The following DNAH7 variants were observed in gnomAD, a reference collection of about 807,000 sequenced individuals.
The protein encoded by DNAH7 is dynein axonemal heavy chain 7.
DNAH7 carries 397 observed loss-of-function variants against 444.6 expected under a neutral mutation model. The ratio of observed to expected loss-of-function variants is 0.89; its 90% confidence interval spans 0.82 to 0.97. The LOEUF is 0.97. Ranked by LOEUF, DNAH7 falls within the 50% of genes least tolerant of loss-of-function variation. DNAH7 has a pLI of 0.00. For synonymous variants in DNAH7, 1,636 were observed against 1,624.4 expected, an observed-to-expected ratio of 1.01 and a Z score of -0.17; for missense variants, 4,902 against 4,800.8, an observed-to-expected ratio of 1.02 and a Z score of -0.62.
chr2:195,852,921 G>C (rs201277880), intron 46 of DNAH7, among the ~76,000 whole-genome samples: 12,625 of 130,224 alleles, frequency 0.097, 575 homozygotes, highest in East Asian at 0.26. Flanking sequence ...CACACAGAGA[G>C]AGAGAGAGAG....
chr2:195,830,343 A>T (rs1698003464), intron 48 of DNAH7, among the ~76,000 whole-genome samples: 1 of 152,198 alleles, frequency 6.6e-6, no homozygotes, highest in African/African-American at 2.4e-5. Flanking sequence ...TGAGAATTAA[A>T]TGTTCTTTTC....
At chr2:195,893,888 G>T (rs1257474137) in intron 30 of DNAH7, 4 of 151,780 alleles carry the variant, frequency 2.6e-5, no homozygotes, top group African/African-American at 9.7e-5. Flanking sequence ...TTCTTTTGGA[G>T]ACTTTATTTT....
At chr2:195,812,070 A>T (rs1696996396) in intron 51 of DNAH7, among the ~76,000 whole-genome samples, 1 of 152,098 alleles carries the variant, frequency 6.6e-6, no homozygotes. Context: ...TGACTATTGG[A>T]TGGCCTCACC....
At chr2:195,750,029 TAAGCCTGGAC>T (rs1245648925) in intron 63 of DNAH7, among the ~76,000 whole-genome samples, 1 of 151,956 alleles carries the variant, frequency 6.6e-6, no homozygotes, top group Non-Finnish European at 1.5e-5. Context: ...ATAAATAAAT[TAAGCCTGGAC>T]CAACACTGTG....
intron 34 of DNAH7, among the ~76,000 whole-genome samples, chr2:195,885,571 T>A (rs375150657): frequency 5.9e-5 from 9 of 152,214 alleles, no homozygotes; most frequent in African/African-American, 1.9e-4. Context: ...AAGTACCATA[T>A]TGACCACAGT....
At chr2:195,762,941 G>A (rs531674239) in intron 61 of DNAH7, among the ~76,000 whole-genome samples, 4 of 152,060 alleles carry the variant, frequency 2.6e-5, no homozygotes, top group African/African-American at 9.6e-5. Flanking sequence ...AACTCAGCAC[G>A]TGGATCGTTC....
intron 22 of DNAH7, 141 bp downstream of exon 22, chr2:195,926,284 TA>T: frequency 5.4e-6 from 4 of 742,564 alleles, no homozygotes; most frequent in Non-Finnish European, 7.5e-6. Context: ...AATTTTTATT[TA>T]AAAAATCTGT....
At chr2:195,749,564 A>T (rs1310060973) in intron 63 of DNAH7, among the ~76,000 whole-genome samples, 3 of 152,008 alleles carry the variant, frequency 2.0e-5, no homozygotes, top group Non-Finnish European at 2.9e-5. Flanking sequence ...TCACAATAGC[A>T]AAGACTTGGA....
intron 10 of DNAH7, among the ~76,000 whole-genome samples, chr2:196,003,284 A>C (rs2125694144): frequency 6.6e-6 from 1 of 152,216 alleles, no homozygotes; most frequent in Non-Finnish European, 1.5e-5. Context: ...CAGTGTCTAA[A>C]ATAGACAACA....
chr2:195,967,154 G>A (rs1028576627), intron 17 of DNAH7, among the ~76,000 whole-genome samples: 3 of 151,964 alleles, frequency 2.0e-5, no homozygotes, highest in Admixed American at 2.0e-4. Flanking sequence ...TTACCATGAA[G>A]CTTGAAAATA....
intron 58 of DNAH7, among the ~76,000 whole-genome samples, chr2:195,785,366 A>T (rs1243663715): frequency 6.6e-6 from 1 of 151,572 alleles, no homozygotes; most frequent in Non-Finnish European, 1.5e-5. Context: ...AATTTAATTT[A>T]TTTTTTTAAG....
chr2:195,888,140 A>G, intron 33 of DNAH7, 118 bp downstream of exon 33: 1 of 840,366 alleles, frequency 1.2e-6, no homozygotes. Context: ...AATTTAATCA[A>G]AAAGGTTTTG....
intron 24 of DNAH7, among the ~76,000 whole-genome samples, chr2:195,917,250 C>G (rs536672446): frequency 6.6e-6 from 1 of 151,496 alleles, no homozygotes; most frequent in African/African-American, 2.4e-5. Context: ...AGTGGGCTCA[C>G]AAATGCACAC....
intron 17 of DNAH7, among the ~76,000 whole-genome samples, chr2:195,964,876 CAAA>C (rs556506471): frequency 1.6e-5 from 2 of 126,954 alleles, no homozygotes. Context: ...GACTCCGTCT[CAAA>C]AAAAAAAAAA....
At chr2:195,921,966 T>C (rs1688054189) in intron 24 of DNAH7, 122 bp downstream of exon 24, 2 of 609,790 alleles carry the variant, frequency 3.3e-6, no homozygotes, top group African/African-American at 1.9e-5. Context: ...ATCAAGGGTC[T>C]AGGAAAAAAT....
At chr2:195,907,102 A>C in intron 25 of DNAH7, 93 bp from the exon 26 acceptor site, 1 of 947,038 alleles carries the variant, frequency 1.1e-6, no homozygotes, top group Non-Finnish European at 1.6e-6. Flanking sequence ...CAAGGATTTA[A>C]TATCCTGTCA....
Position 195,798,537 on chromosome 2 carries a change from AT to A in DNAH7, c.10353+758del, listed in dbSNP as rs754058331. On this transcript the variant is annotated intron_variant, in intron 55 of 64. Coordinates refer to ENST00000312428, the MANE Select transcript of DNAH7 (RefSeq NM_018897.3). ...AAAGACAAGGCATGTAAATAGTAGA[AT>A]TTTTTTTTTTTTTTTTTTTTCTTGA... 5.2e-3 allele frequency among the ~76,000 whole-genome samples: 563 copies of A among 107,464 alleles called. 1 individual carries two copies. The highest frequency in any genetic ancestry group is 0.012 in the African/African-American group (342 of 28,326). The allele number at this position is 107,464 out of a possible 152,430, so 70.5% of individuals were successfully genotyped here.
chr2:195,885,725 C>T (rs1701667424), intron 34 of DNAH7, among the ~76,000 whole-genome samples: 1 of 152,060 alleles, frequency 6.6e-6, no homozygotes, highest in Non-Finnish European at 1.5e-5. Flanking sequence ...TATTTATACA[C>T]ACACACACAT....
chr2:195,739,873 C>A (rs1692889538), intron 64 of DNAH7, among the ~76,000 whole-genome samples: 1 of 152,210 alleles, frequency 6.6e-6, no homozygotes, highest in South Asian at 2.1e-4. Context: ...TAACCGTAAA[C>A]AAGTGTCCTT....
Sources: allele counts gnomAD v4.1 joint callset (sites outside exome capture counted in the v4.1 genomes callset), GRCh38; gene constraint gnomAD v4.1.1; transcripts MANE v1.5; gene names NCBI Gene and HGNC (gene_info 2026-07-23, HGNC 2026-07-21).